ABCG5: variants seen among roughly 807,000 people sequenced by gnomAD.
ABCG5 encodes ATP-binding cassette sub-family G member 5.
ABCG5 carries 64 observed loss-of-function variants against 64.5 expected under a neutral mutation model. The observed-to-expected ratio is 0.99, with a 90% confidence interval of 0.81 to 1.22. The LOEUF (loss-of-function observed/expected upper bound fraction) is 1.22, where lower values mean the gene tolerates loss of function less well. ABCG5 is among the 50% of genes most tolerant of loss of function. The pLI is 0.00. For synonymous variants in ABCG5, 385 were observed against 326.3 expected, an observed-to-expected ratio of 1.18 and a Z score of -1.94; for missense variants, 908 against 829.5, an observed-to-expected ratio of 1.09 and a Z score of -1.16.
chr2:43,807,743 C>CAAAAAAAAAAA (rs536977133), downstream of ABCG5, among the ~76,000 whole-genome samples: 1 of 41,618 alleles, frequency 2.4e-5, no homozygotes, highest in African/African-American at 7.2e-5. Context: ...TTTGTTAAAG[C>CAAAAAAAAAAA]AAAAAAAAAA....
intron 10 of ABCG5, among the ~76,000 whole-genome samples, chr2:43,822,033 A>G (rs547958798): frequency 6.2e-4 from 94 of 152,110 alleles, no homozygotes; most frequent in African/African-American, 2.2e-3. Flanking sequence ...TCTACTCTCA[A>G]TCTGATGTTT....
At chr2:43,832,715 A>G (rs1191563552) in intron 2 of ABCG5, 1 of 154,914 alleles carries the variant, frequency 6.5e-6, no homozygotes, top group Non-Finnish European at 1.4e-5. Context: ...AGCCTGGGGC[A>G]TAGCCTAGCT....
At chr2:43,835,031 G>A (rs1247108606) in intron 2 of ABCG5, among the ~76,000 whole-genome samples, 2 of 152,114 alleles carry the variant, frequency 1.3e-5, no homozygotes, top group South Asian at 2.1e-4. Flanking sequence ...CACCCACTAC[G>A]TGACCGACCC....
Position 43,831,861 on chromosome 2 carries a change from T to C in ABCG5, c.409A>G (p.Thr137Ala), listed in dbSNP as rs1379948794. 3.2e-6 allele frequency: 5 copies of C among 1,543,360 alleles called. No individual in the cohort carries two copies. The highest frequency in any genetic ancestry group is 4.4e-6 in the Non-Finnish European group (5 of 1,145,206). Residue 137 changes from threonine to alanine, a missense_variant, in exon 4 of 13, where the codon ACC becomes GCC. Physicochemically the swap from Thr to Ala is moderately conservative, Grantham distance 58. Transcript: ENST00000405322. ...CGCACGGTGAGGCTGCTCAGCAGGG[T>C]GTCGCTCTGCAGGAGACTCGGGCGT... ...DCFSYVLQSD[T>A]LLSSLTVRET... is the part of the protein sequence containing the mutation.
chr2:43,826,352 G>C, intron 6 of ABCG5, 30 bp downstream of exon 6: 1 of 1,613,328 alleles, frequency 6.2e-7, no homozygotes, highest in Non-Finnish European at 8.5e-7. Context: ...ACACACCATA[G>C]ACCCGGCCTT....
chr2:43,831,911 G>T (rs765011630), intron 3 of ABCG5, 36 bp downstream of exon 3: 54 of 1,546,828 alleles, frequency 3.5e-5, no homozygotes, highest in Non-Finnish European at 4.5e-5. Context: ...CCCCCGGGGC[G>T]GGCGGGGGGG....
chr2:43,810,462 A>C (rs1049835050), downstream of ABCG5: 1 of 985,330 alleles, frequency 1.0e-6, no homozygotes, highest in African/African-American at 1.7e-5. Context: ...CCAAGGTGGG[A>C]TAGCCTTTAA....
downstream of ABCG5, among the ~76,000 whole-genome samples, chr2:43,809,079 C>T (rs972105623): frequency 8.5e-5 from 13 of 152,090 alleles, no homozygotes; most frequent in African/African-American, 2.9e-4. Flanking sequence ...GCCTTGGCCT[C>T]CCAGGTTCAA....
intron 6 of ABCG5, among the ~76,000 whole-genome samples, chr2:43,826,078 C>T (rs113068216): frequency 6.0e-4 from 92 of 152,206 alleles, no homozygotes; most frequent in African/African-American, 2.1e-3. Flanking sequence ...TGGGCTCAAG[C>T]GATCCTCTCA....
chr2:43,832,244 T>C, intron 2 of ABCG5, 161 bp from the exon 3 acceptor site: 2 of 966,404 alleles, frequency 2.1e-6, no homozygotes, highest in Non-Finnish European at 3.1e-6. Flanking sequence ...GGCCCTGCCC[T>C]ATGGAACGCG....
the ABCG5 span, among the ~76,000 whole-genome samples, chr2:43,806,896 AT>A: frequency 6.6e-6 from 1 of 151,252 alleles, no homozygotes; most frequent in African/African-American, 2.4e-5. Flanking sequence ...TTGGTTCGAG[AT>A]TTTTTTTTAA....
intron 4 of ABCG5, 117 bp from the exon 5 acceptor site, chr2:43,828,232 C>A (rs1667740875): frequency 2.2e-6 from 3 of 1,359,460 alleles, no homozygotes; most frequent in Non-Finnish European, 3.1e-6. Flanking sequence ...AGGGCCACTT[C>A]CAGACTCACC....
chr2:43,818,714 C>T (rs1667003799), intron 11 of ABCG5, among the ~76,000 whole-genome samples: 1 of 152,242 alleles, frequency 6.6e-6, no homozygotes. Context: ...TCATGGTCTT[C>T]GTGTGAAAAA....
Position 43,838,698 on chromosome 2 carries a change from C to G in ABCG5, c.-19G>C. 1 of 1,612,988 alleles carries G rather than the reference C, an allele frequency of 6.2e-7. No individual in the cohort carries two copies. On this transcript the variant is annotated 5_prime_UTR_variant, in exon 1 of 13. Coordinates refer to ENST00000405322, the MANE Select transcript of ABCG5 (RefSeq NM_022436.3). The surrounding 1 kb of genome is among the most constrained non-coding windows in gnomAD (Gnocchi z 4.2). Reference sequence around the variant, plus strand: ...CACCCATGGCCAACAGGCAGCAAAGCTGGGCAAATTTTCTGGTGGCCGGAC... The same window carrying G: ...CACCCATGGCCAACAGGCAGCAAAGGTGGGCAAATTTTCTGGTGGCCGGAC...
chr2:43,823,981 C>A lies in ABCG5; in HGVS notation c.1256G>T (p.Arg419Leu). The A allele has an allele frequency of 6.2e-7, 1 of 1,614,180 alleles. No homozygotes were observed. Among genetic ancestry groups the A allele is most frequent in the Non-Finnish European group, 8.5e-7 (1 of 1,180,032 alleles). ...CACAAACTGGTAAAGGAGACCTACG[C>A]GGTCCTGGATAGCACCCTTTAGCAC... is the stretch of plus-strand genomic sequence containing the variant. ...SNVLKGAIQD[R>L]VGLLYQFVGA... The change falls in exon 9 of 13, where the codon CGC becomes CTC. Residue 419 changes from arginine to leucine, a missense_variant. Coordinates refer to ENST00000405322, the MANE Select transcript of ABCG5 (RefSeq NM_022436.3).
Position 43,812,876 on chromosome 2 carries a change from G to A in ABCG5, c.*240C>T, listed in dbSNP as rs1457203946. On this transcript the variant is annotated 3_prime_UTR_variant, in exon 13 of 13. Coordinates refer to ENST00000405322, the MANE Select transcript of ABCG5 (RefSeq NM_022436.3). The stretch of plus-strand genomic sequence containing the variant: ...GAATATTATTTACATTCTTGGGTCC[G>A]CTCAGTCACAATTTCCAAATAACCA... 5.7e-6 allele frequency: 3 copies of A among 527,170 alleles called. No individual in the cohort carries two copies. Among genetic ancestry groups the A allele is most frequent in the African/African-American group, 3.8e-5 (2 of 52,480 alleles). The allele number at this position is 527,170 out of a possible 1,614,324, so 32.7% of individuals were successfully genotyped here.
Position 43,812,875 on chromosome 2 carries a change from C to T in ABCG5, c.*241G>A, listed in dbSNP as rs1233559775. On this transcript the variant is annotated 3_prime_UTR_variant, in exon 13 of 13. Coordinates refer to ENST00000405322, the MANE Select transcript of ABCG5 (RefSeq NM_022436.3). ...TGAATATTATTTACATTCTTGGGTC[C>T]GCTCAGTCACAATTTCCAAATAACC... is the stretch of plus-strand genomic sequence containing the variant. The T allele has an allele frequency of 1.7e-5, 9 of 527,814 alleles. 1 individual carries two copies. The highest frequency in any genetic ancestry group is 9.5e-5 in the African/African-American group (5 of 52,516). The allele number at this position is 527,814 out of a possible 1,614,324, so 32.7% of individuals were successfully genotyped here.
Position 43,831,750 on chromosome 2 carries a change from A to G in ABCG5, c.501+19T>C. 6.4e-7 allele frequency: 1 copy of G among 1,562,088 alleles called. No homozygotes were observed. The highest frequency in any genetic ancestry group is 8.7e-7 in the Non-Finnish European group (1 of 1,154,616). The stretch of plus-strand genomic sequence containing the variant: ...AAAGGTACTCAGTTTGCCCTCTGTG[A>G]GCGGGGGGCTGCACCCACCTTCTTC... On this transcript the variant is annotated intron_variant, in intron 4 of 12. Transcript: ENST00000405322.
chr2:43,814,814 CAT>C (rs1032270921), intron 11 of ABCG5, among the ~76,000 whole-genome samples: 18 of 152,274 alleles, frequency 1.2e-4, no homozygotes, highest in African/African-American at 3.1e-4. Context: ...ATATATATAA[CAT>C]GTGTGTTTAA....
Sources: gnomAD v4.1 joint callset for allele counts (sites outside exome capture counted in the v4.1 genomes callset) on GRCh38, gnomAD v4.1.1 for gene constraint, Gnocchi (gnomAD v3.1) non-coding constraint, MANE v1.5 for transcripts, NCBI Gene and HGNC (gene_info 2026-07-23, HGNC 2026-07-21) for gene names.